MMP26: variants seen among roughly 807,000 people sequenced by gnomAD.
MMP26 encodes matrix metallopeptidase 26, also known as matrix metalloproteinase-26.
A neutral mutation model predicts 31.0 loss-of-function variants in MMP26; 33 were observed. The observed-to-expected ratio is 1.06, with a 90% CI of 0.81 to 1.42. The LOEUF (loss-of-function observed/expected upper bound fraction) is 1.42, where lower values mean the gene tolerates loss of function less well. Among genes scored for constraint, MMP26 ranks in the 40% most tolerant of loss-of-function variants. The pLI is 0.00. For missense variants in MMP26, 347 were observed against 316.1 expected, an observed-to-expected ratio of 1.10 and a Z score of -0.74; for synonymous variants, 122 against 114.9, an observed-to-expected ratio of 1.06 and a Z score of -0.40.
intron 1 of MMP26, among the ~76,000 whole-genome samples, chr11:4,705,664 G>C (rs952002429): frequency 6.6e-5 from 10 of 152,186 alleles, no homozygotes; most frequent in Non-Finnish European, 2.9e-5. Flanking sequence ...GACAACTCAA[G>C]ACTGGTTTAA....
intron 2 of MMP26, among the ~76,000 whole-genome samples, chr11:4,849,844 A>C (rs1356755455): frequency 6.6e-6 from 1 of 152,076 alleles, no homozygotes; most frequent in African/African-American, 2.4e-5. Flanking sequence ...GGGTATTTAA[A>C]ATTTTTATTT....
chr11:4,730,367 C>T (rs568119705), intron 1 of MMP26, among the ~76,000 whole-genome samples: 2 of 149,440 alleles, frequency 1.3e-5, no homozygotes, highest in East Asian at 1.9e-4. Context: ...AATTTCTCAT[C>T]ACATCTCCTT....
intron 2 of MMP26, among the ~76,000 whole-genome samples, chr11:4,968,922 C>G (rs1012167020): frequency 6.6e-6 from 1 of 151,924 alleles, no homozygotes; most frequent in African/African-American, 2.4e-5. Context: ...ATACAATTAC[C>G]TTTTTCTTTC....
At chr11:4,826,724 T>C (rs551525535) in intron 2 of MMP26, among the ~76,000 whole-genome samples, 13 of 152,014 alleles carry the variant, frequency 8.6e-5, no homozygotes, top group Non-Finnish European at 1.9e-4. Flanking sequence ...AGCAAAACAT[T>C]ATAAGGCCCA....
rs186324388 is a variant in MMP26, at chr11:4,723,883, G to T, written c.-217+18838G>T. 266 of 1,167,182 alleles carry T rather than the reference G, an allele frequency of 2.3e-4. No individual in the cohort carries two copies. The African/African-American group carries it at 3.5e-3, about 15-fold the overall frequency. The allele number at this position is 1,167,182 out of a possible 1,614,324, so 72.3% of individuals were successfully genotyped here. A position where few individuals can be genotyped will look rare whatever the true frequency, so the allele number is the denominator to read the frequency against. On this transcript the variant is annotated intron_variant, in intron 1 of 7. Transcript: ENST00000380390. ...GAAGGAGGCAAACTAGCTGTTGAGG[G>T]TCTTGATCTGCTCCTTCTCCTGGGT...
Position 4,988,299 on chromosome 11 carries a change from G to C in MMP26, c.88G>C (p.Asp30His). Reference sequence around the variant, plus strand: ...CCCTGCTGCAGACCATAAAGGATGGGACTTTGTTGAGGTAGGTGAACGACT... The same window carrying C: ...CCCTGCTGCAGACCATAAAGGATGGCACTTTGTTGAGGTAGGTGAACGACT... ...VPPAADHKGW[D>H]FVEGYFHQFF... is the part of the protein sequence containing the mutation. The change falls in exon 3 of 8, where the codon GAC becomes CAC. Residue 30 changes from aspartate (D) to histidine (H), a missense_variant. Transcript: ENST00000380390. The C allele has an allele frequency of 1.2e-6, 2 of 1,613,966 alleles. No individual in the cohort carries two copies. Among genetic ancestry groups the C allele is most frequent in the Non-Finnish European group, 1.7e-6 (2 of 1,179,944 alleles).
intron 2 of MMP26, among the ~76,000 whole-genome samples, chr11:4,863,988 T>C (rs1419464303): frequency 6.6e-6 from 1 of 152,146 alleles, no homozygotes; most frequent in African/African-American, 2.4e-5. Context: ...TTGAATCATG[T>C]TTAATCACTA....
intron 2 of MMP26, among the ~76,000 whole-genome samples, chr11:4,884,706 C>T (rs1409330223): frequency 2.0e-5 from 3 of 151,816 alleles, no homozygotes; most frequent in African/African-American, 7.3e-5. Context: ...TTCACCTTGG[C>T]AGATCTACAA....
chr11:4,926,982 G>A (rs183908095), intron 2 of MMP26, among the ~76,000 whole-genome samples: 5 of 152,146 alleles, frequency 3.3e-5, no homozygotes, highest in Non-Finnish European at 7.4e-5. Flanking sequence ...CTTCTCAATG[G>A]CACTTACCTC....
At chr11:4,919,978 T>G in intron 2 of MMP26, among the ~76,000 whole-genome samples, 1 of 152,230 alleles carries the variant, frequency 6.6e-6, no homozygotes, top group South Asian at 2.1e-4. Context: ...CTTGTACACT[T>G]GGGGGTGAGA....
intron 1 of MMP26, chr11:4,709,956 A>G (rs1034750818): frequency 2.2e-5 from 10 of 456,784 alleles, no homozygotes; most frequent in African/African-American, 2.0e-4. Flanking sequence ...TGCCGTCTGT[A>G]ACCCACTGAG....
chr11:4,863,073 T>A (rs7949235), intron 2 of MMP26, among the ~76,000 whole-genome samples: 52,047 of 151,988 alleles, frequency 0.34, 10,189 homozygotes, highest in Non-Finnish European at 0.44. Flanking sequence ...GGGTTTTTCT[T>A]GGGACCTACT....
At chr11:4,924,306 C>A (rs1463077892) in intron 2 of MMP26, 2 of 1,611,928 alleles carry the variant, frequency 1.2e-6, no homozygotes, top group African/African-American at 2.7e-5. Context: ...AAGAAAGTGG[C>A]TCTTTGGAGG....
At chr11:4,924,849 T>G (rs551299429) in intron 2 of MMP26, among the ~76,000 whole-genome samples, 1 of 152,312 alleles carries the variant, frequency 6.6e-6, no homozygotes, top group South Asian at 2.1e-4. Context: ...AGAGTGAGTT[T>G]TGCCTGTGGG....
At position 4,915,654 on chromosome 11, in the gene MMP26, C is replaced by T. The variant is rs746589595; in HGVS notation, c.-144-72414C>T. On this transcript the variant is annotated intron_variant, in intron 2 of 7. Transcript: ENST00000380390. ...CTGCTGCTGCTGTTTCCCAGGGATC[C>T]CAGGGTCATTGTGTGAGGAGACAAG... The T allele has an allele frequency of 5.6e-6, 9 of 1,611,360 alleles. No homozygotes were observed. In the South Asian group the frequency reaches 9.9e-5, roughly 18 times the overall value.
At chr11:4,828,792 T>C in intron 2 of MMP26, among the ~76,000 whole-genome samples, 1 of 152,196 alleles carries the variant, frequency 6.6e-6, no homozygotes, top group East Asian at 1.9e-4. Context: ...GTTGAGAAAC[T>C]AGGCTGGATA....
chr11:4,774,880 AG>A (rs1269525124), intron 2 of MMP26, among the ~76,000 whole-genome samples: 1 of 152,164 alleles, frequency 6.6e-6, no homozygotes, highest in Non-Finnish European at 1.5e-5. Flanking sequence ...TTTATTAAAT[AG>A]GGGTTCCTTT....
chr11:4,753,180 A>G (rs10836574), intron 1 of MMP26, among the ~76,000 whole-genome samples: 122,185 of 151,992 alleles, frequency 0.8, 49,915 homozygotes, highest in African/African-American at 0.95. Flanking sequence ...ATCCCAGAAG[A>G]CCTCTTAATG....
chr11:4,841,860 G>A (rs527615930), intron 2 of MMP26, among the ~76,000 whole-genome samples: 31 of 152,322 alleles, frequency 2.0e-4, no homozygotes, highest in Admixed American at 5.9e-4. Flanking sequence ...TTGAACCTCA[G>A]TGGCAGAGGT....
Sources: allele counts gnomAD v4.1 joint callset (sites outside exome capture counted in the v4.1 genomes callset), GRCh38; gene constraint gnomAD v4.1.1; transcripts MANE v1.5; gene names NCBI Gene and HGNC (gene_info 2026-07-23, HGNC 2026-07-21).